The following FERMT2 variants were observed in gnomAD, a reference collection of about 807,000 sequenced individuals.
FERMT2 encodes the protein fermitin family homolog 2.
FERMT2 carries 15 observed loss-of-function variants against 82.7 expected under a neutral mutation model. The observed-to-expected ratio is 0.18, with a 90% CI of 0.12 to 0.28. FERMT2 has a LOEUF of 0.28. Among genes scored for constraint, FERMT2 ranks in the 10% least tolerant of loss-of-function variants. FERMT2 has a pLI of 1.00. For synonymous variants in FERMT2, 274 were observed against 271.5 expected (o/e 1.01, Z -0.09); for missense variants, 645 against 809.4 (o/e 0.80, Z 2.46).
At chr14:52,948,514 T>C in intron 2 of FERMT2, 1 of 448,722 alleles carries the variant, frequency 2.2e-6, no homozygotes. Context: ...TCAGTATGAA[T>C]TCAGTTCAGA....
At chr14:52,878,766 G>A (rs1016835114) in intron 6 of FERMT2, 77 bp from the exon 7 acceptor site, 1 of 687,772 alleles carries the variant, frequency 1.5e-6, no homozygotes, top group Non-Finnish European at 2.3e-6. Flanking sequence ...ATATTCAATT[G>A]ACAAGAAAAA....
At chr14:52,868,235 G>A (rs1463067134) in intron 10 of FERMT2, among the ~76,000 whole-genome samples, 2 of 140,002 alleles carry the variant, frequency 1.4e-5, no homozygotes, top group Non-Finnish European at 3.1e-5. Context: ...TTTTTGAGAT[G>A]GGGTCTGGCT....
intron 3 of FERMT2, among the ~76,000 whole-genome samples, chr14:52,911,631 A>G (rs1185360282): frequency 6.6e-6 from 1 of 151,622 alleles, no homozygotes; most frequent in Non-Finnish European, 1.5e-5. Flanking sequence ...AACCTGGGTG[A>G]CAGAGTGAGA....
chr14:52,916,631 C>T (rs370130939), intron 3 of FERMT2, among the ~76,000 whole-genome samples: 6 of 152,144 alleles, frequency 3.9e-5, no homozygotes, highest in African/African-American at 1.2e-4. Flanking sequence ...TATATTTTTC[C>T]AAGCCCACAG....
chr14:52,872,978 C>A, intron 9 of FERMT2, 55 bp from the exon 10 acceptor site: 1 of 1,541,948 alleles, frequency 6.5e-7, no homozygotes, highest in Non-Finnish European at 8.9e-7. Context: ...TTTATTAACG[C>A]TGTATTAGCA....
chr14:52,888,857 A>C (rs552140898), intron 4 of FERMT2, among the ~76,000 whole-genome samples: 1 of 152,320 alleles, frequency 6.6e-6, no homozygotes, highest in South Asian at 2.1e-4. Flanking sequence ...TTTAAATTTT[A>C]ATTAATTTTT....
intron 4 of FERMT2, 88 bp from the exon 5 acceptor site, chr14:52,881,557 T>C (rs560977815): frequency 1.2e-4 from 131 of 1,056,512 alleles, no homozygotes; most frequent in Middle Eastern, 4.3e-4. Context: ...ATAAAGCACA[T>C]TGTGAAACAA....
chr14:52,913,917 G>C (rs1888468266), intron 3 of FERMT2, among the ~76,000 whole-genome samples: 1 of 152,058 alleles, frequency 6.6e-6, no homozygotes, highest in Non-Finnish European at 1.5e-5. Flanking sequence ...AGGAAGTAAG[G>C]TATAAGGAGC....
At chr14:52,946,293 C>A (rs894819785) in intron 2 of FERMT2, among the ~76,000 whole-genome samples, 1 of 151,790 alleles carries the variant, frequency 6.6e-6, no homozygotes. Context: ...AATCCTTATC[C>A]CTGATATTTC....
At chr14:52,886,267 T>C (rs1191772785) in intron 4 of FERMT2, among the ~76,000 whole-genome samples, 4 of 146,038 alleles carry the variant, frequency 2.7e-5, no homozygotes, top group African/African-American at 9.8e-5. Flanking sequence ...ACAGAAACTC[T>C]TGGGGGGGAG....
intron 2 of FERMT2, chr14:52,948,494 A>G (rs1047402037): frequency 4.6e-6 from 2 of 432,910 alleles, no homozygotes; most frequent in Non-Finnish European, 9.1e-6. Flanking sequence ...AATTCAAAAT[A>G]TAAGAGGAAT....
intron 2 of FERMT2, among the ~76,000 whole-genome samples, chr14:52,927,064 G>C (rs1889314049): frequency 6.6e-6 from 1 of 152,012 alleles, no homozygotes. Flanking sequence ...AACATTGACT[G>C]AATCAACAAA....
At chr14:52,876,079 C>A (rs1885942777) in intron 7 of FERMT2, among the ~76,000 whole-genome samples, 1 of 152,176 alleles carries the variant, frequency 6.6e-6, no homozygotes, top group South Asian at 2.1e-4. Flanking sequence ...AGGTTTTCTA[C>A]AAAGGTCAGC....
At chr14:52,865,669 G>A (rs1885228441) in intron 10 of FERMT2, among the ~76,000 whole-genome samples, 2 of 152,188 alleles carry the variant, frequency 1.3e-5, no homozygotes, top group African/African-American at 4.8e-5. Context: ...TGATCATGCA[G>A]TAGGCTCTAC....
intron 2 of FERMT2, among the ~76,000 whole-genome samples, chr14:52,933,230 T>A (rs1467657853): frequency 1.3e-5 from 2 of 152,172 alleles, no homozygotes; most frequent in Non-Finnish European, 2.9e-5. Context: ...TTTCTTTCCA[T>A]CCAAGTATTA....
intron 3 of FERMT2, among the ~76,000 whole-genome samples, chr14:52,912,730 G>C (rs1888393929): frequency 6.6e-6 from 1 of 151,886 alleles, no homozygotes; most frequent in African/African-American, 2.4e-5. Flanking sequence ...AGCTGGTCTT[G>C]AACTCCTGGC....
At chr14:52,872,540 CA>C (rs2140091476) in intron 10 of FERMT2, among the ~76,000 whole-genome samples, 1 of 151,816 alleles carries the variant, frequency 6.6e-6, no homozygotes, top group South Asian at 2.1e-4. Context: ...TCTCAAAAAA[CA>C]AAAAAGAAAA....
rs547641373 is a variant in FERMT2, at chr14:52,898,727, G to C, written c.392-5300C>G. Among the ~76,000 whole-genome samples the C allele has an allele frequency of 4.8e-3, 287 of 59,672 alleles. 1 individual carries two copies. The highest frequency in any genetic ancestry group is 0.01 in the Middle Eastern group (1 of 98). The allele number at this position is 59,672 out of a possible 152,430, so 39.1% of individuals were successfully genotyped here. On this transcript the variant is annotated intron_variant, in intron 3 of 14. Coordinates refer to ENST00000341590, the MANE Select transcript of FERMT2 (RefSeq NM_006832.3). ...CAACATTAAGTGGAGGCAGGGTGGT[G>C]GTGGTACTCTCTCTCCACCCATTCA...
At position 52,951,034 on chromosome 14, in the gene FERMT2, T is replaced by TG. The variant is rs1174570370; in HGVS notation, c.-124dup. On this transcript the variant is annotated 5_prime_UTR_variant, in exon 1 of 15. Coordinates refer to ENST00000341590, the MANE Select transcript of FERMT2 (RefSeq NM_006832.3). ...TCCTCGGCTGGCGAAGCGCTGCCTGTGGCCGGAGCGGCTAATGGAGTCCCG... is the reference window on the plus strand; with the variant it reads ...TCCTCGGCTGGCGAAGCGCTGCCTGTGGGCCGGAGCGGCTAATGGAGTCCCG... 2 of 151,972 alleles carry TG rather than the reference T, an allele frequency of 1.3e-5. No homozygotes were observed. Among genetic ancestry groups the TG allele is most frequent in the Admixed American group, 1.3e-4 (2 of 15,234 alleles). The allele number at this position is 151,972 out of a possible 1,614,324, so 9.4% of individuals were successfully genotyped here.
Sources: allele counts gnomAD v4.1 joint callset (sites outside exome capture counted in the v4.1 genomes callset), GRCh38; gene constraint gnomAD v4.1.1; transcripts MANE v1.5; gene names NCBI Gene and HGNC (gene_info 2026-07-23, HGNC 2026-07-21).